The following SRPK1 variants were observed in gnomAD, a reference collection of about 807,000 sequenced individuals.
SRPK1 encodes SRSF protein kinase 1.
A neutral mutation model predicts 89.5 loss-of-function variants in SRPK1; 52 were observed. The observed-to-expected ratio is 0.58, with a 90% CI of 0.46 to 0.73. The LOEUF is 0.73. Among genes scored for constraint, SRPK1 ranks in the 30% least tolerant of loss-of-function variants. The probability of loss-of-function intolerance (pLI) is 0.00; values close to 1 mark genes in which losing one functional copy is unlikely to be tolerated. For synonymous variants in SRPK1, 255 were observed against 270.2 expected (o/e 0.94, Z 0.55); for missense variants, 603 against 780.6 (o/e 0.77, Z 2.71).
chr6:35,900,988 C>G (rs572529536), intron 2 of SRPK1, among the ~76,000 whole-genome samples: 1 of 152,196 alleles, frequency 6.6e-6, no homozygotes, highest in African/African-American at 2.4e-5. Context: ...ATTTCCATCT[C>G]TTAAATAACA....
At chr6:35,856,584 C>T (rs917727615) in intron 13 of SRPK1, among the ~76,000 whole-genome samples, 1 of 152,092 alleles carries the variant, frequency 6.6e-6, no homozygotes, top group Non-Finnish European at 1.5e-5. Context: ...GCAATGAATC[C>T]AGACAGTTAT....
chr6:35,844,088 T>C (rs1364572949), intron 13 of SRPK1, among the ~76,000 whole-genome samples: 1 of 147,772 alleles, frequency 6.8e-6, no homozygotes, highest in Admixed American at 6.9e-5. Context: ...CACTGCAAGC[T>C]CCGCCTCCCA....
intron 7 of SRPK1, among the ~76,000 whole-genome samples, chr6:35,873,544 C>T (rs997424539): frequency 6.6e-5 from 10 of 151,174 alleles, no homozygotes; most frequent in Non-Finnish European, 1.0e-4. Flanking sequence ...GGCTGGAGCG[C>T]GGTGGCGCGA....
chr6:35,911,244 T>A (rs1770954427), intron 2 of SRPK1, among the ~76,000 whole-genome samples: 1 of 152,218 alleles, frequency 6.6e-6, no homozygotes, highest in Non-Finnish European at 1.5e-5. Flanking sequence ...TGGAAGAAGT[T>A]GATTCCAACC....
intron 7 of SRPK1, among the ~76,000 whole-genome samples, 181 bp from the exon 8 acceptor site, chr6:35,872,909 G>T (rs1459575150): frequency 6.6e-6 from 1 of 151,258 alleles, no homozygotes; most frequent in Non-Finnish European, 1.5e-5. Context: ...TATGAAAAAG[G>T]CAAGAAATTA....
intron 6 of SRPK1, among the ~76,000 whole-genome samples, chr6:35,880,746 A>AAAAAAAAGAAAGAAAGAAAGAAAG (rs1770263877): frequency 2.2e-5 from 2 of 89,228 alleles, no homozygotes; most frequent in African/African-American, 9.1e-5. Flanking sequence ...AAAAAAAAAA[A>AAAAAAAAGAAAGAAAGAAAGAAAG]AAAAGAAAAG....
At chr6:35,857,743 C>T (rs971821702) in intron 12 of SRPK1, among the ~76,000 whole-genome samples, 1 of 152,234 alleles carries the variant, frequency 6.6e-6, no homozygotes, top group Admixed American at 6.5e-5. Context: ...GCTGGGATTA[C>T]AGGCGTGAGC....
intron 2 of SRPK1, among the ~76,000 whole-genome samples, chr6:35,894,026 A>T (rs557453043): frequency 6.6e-6 from 1 of 152,266 alleles, no homozygotes; most frequent in South Asian, 2.1e-4. Flanking sequence ...AAAGAAAAAA[A>T]AAGAAAAGAA....
intron 14 of SRPK1, among the ~76,000 whole-genome samples, chr6:35,839,973 T>G (rs1204176229): frequency 1.3e-5 from 2 of 151,960 alleles, no homozygotes; most frequent in Non-Finnish European, 2.9e-5. Flanking sequence ...CCACTGTGCC[T>G]GGCCTGTATT....
chr6:35,870,227 T>C (rs1447716495), intron 10 of SRPK1, 54 bp downstream of exon 10: 2 of 1,493,250 alleles, frequency 1.3e-6, no homozygotes, highest in Non-Finnish European at 1.8e-6. Flanking sequence ...ATAGCAATGA[T>C]AAATTAACGT....
Position 35,888,939 on chromosome 6 carries a change from GA to G in SRPK1, c.194-17del. ...TGATAACCTCCTGGAAGAAACAGGG[GA>G]AATACAATCAGAAAAACCAGGATGA... On this transcript the variant is annotated splice_polypyrimidine_tract_variant and intron_variant, in intron 3 of 15. Transcript: ENST00000373825. The G allele has an allele frequency of 6.5e-7, 1 of 1,537,844 alleles. No individual in the cohort carries two copies. The highest frequency in any genetic ancestry group is 9.0e-7 in the Non-Finnish European group (1 of 1,112,776).
At chr6:35,882,457 C>G (rs1405032985) in intron 6 of SRPK1, among the ~76,000 whole-genome samples, 1 of 152,048 alleles carries the variant, frequency 6.6e-6, no homozygotes, top group African/African-American at 2.4e-5. Flanking sequence ...GCTGGGACTA[C>G]AGGCATGAGC....
chr6:35,879,705 T>C (rs1770232625), intron 6 of SRPK1, among the ~76,000 whole-genome samples: 1 of 151,902 alleles, frequency 6.6e-6, no homozygotes, highest in Non-Finnish European at 1.5e-5. Flanking sequence ...ACGACAAAAA[T>C]AAATCAACAG....
At chr6:35,850,665 A>G (rs1344307781) in intron 13 of SRPK1, among the ~76,000 whole-genome samples, 1 of 135,292 alleles carries the variant, frequency 7.4e-6, no homozygotes, top group Non-Finnish European at 1.6e-5. Context: ...CTTTTCCAAA[A>G]TGCATATGTC....
chr6:35,881,659 G>A (rs964832289), intron 6 of SRPK1, among the ~76,000 whole-genome samples: 1 of 151,246 alleles, frequency 6.6e-6, no homozygotes, highest in Non-Finnish European at 1.5e-5. Context: ...GATAAAGAAG[G>A]ACATTATCTA....
intron 13 of SRPK1, among the ~76,000 whole-genome samples, chr6:35,848,773 A>G (rs1196215288): frequency 6.6e-6 from 1 of 152,216 alleles, no homozygotes; most frequent in East Asian, 1.9e-4. Flanking sequence ...TCTCTTCAAT[A>G]AATGGTGTTG....
intron 2 of SRPK1, among the ~76,000 whole-genome samples, chr6:35,900,326 A>C (rs1236807004): frequency 6.6e-6 from 1 of 152,248 alleles, no homozygotes; most frequent in African/African-American, 2.4e-5. Context: ...GTGCCTGAAC[A>C]TAAATTTTAG....
intron 2 of SRPK1, among the ~76,000 whole-genome samples, chr6:35,916,367 A>T (rs950428738): frequency 1.3e-5 from 2 of 152,192 alleles, no homozygotes; most frequent in Non-Finnish European, 2.9e-5. Flanking sequence ...CCTAAAAAAA[A>T]TAGTAAGGCT....
chr6:35,899,063 A>T (rs1241538688), intron 2 of SRPK1, among the ~76,000 whole-genome samples: 1 of 152,180 alleles, frequency 6.6e-6, no homozygotes, highest in Admixed American at 6.5e-5. Context: ...CAGGAGGTTG[A>T]GGCAGGAGAA....
Sources: allele counts gnomAD v4.1 joint callset (sites outside exome capture counted in the v4.1 genomes callset), GRCh38; gene constraint gnomAD v4.1.1; transcripts MANE v1.5; gene names NCBI Gene and HGNC (gene_info 2026-07-23, HGNC 2026-07-21).